Variants in TSPAN18 observed in about 807,000 individuals in gnomAD.
TSPAN18 encodes tetraspanin-18.
TSPAN18 carries 14 observed loss-of-function variants against 27.3 expected under a neutral mutation model. The ratio of observed to expected loss-of-function variants is 0.51; its 90% CI spans 0.34 to 0.80. The LOEUF (loss-of-function observed/expected upper bound fraction) is 0.80, where lower values mean the gene tolerates loss of function less well. TSPAN18 is among the 30% of genes least tolerant of loss of function. TSPAN18 has a pLI of 0.01. For missense variants in TSPAN18, 268 were observed against 323.9 expected, an observed-to-expected ratio of 0.83 and a Z score of 1.32; for synonymous variants, 143 against 136.5, an observed-to-expected ratio of 1.05 and a Z score of -0.33.
At chr11:44,920,293 G>A (rs762954271) in intron 8 of TSPAN18, among the ~76,000 whole-genome samples, 5 of 152,130 alleles carry the variant, frequency 3.3e-5, no homozygotes, top group African/African-American at 7.2e-5. Flanking sequence ...TGTTTCCTGA[G>A]TTTCTGATAA....
chr11:44,885,001 G>C (rs1462185920), intron 3 of TSPAN18, among the ~76,000 whole-genome samples: 1 of 152,176 alleles, frequency 6.6e-6, no homozygotes, highest in African/African-American at 2.4e-5. Flanking sequence ...TAACTAAAGT[G>C]GGGTTGTCCC....
chr11:44,878,749 A>T (rs576884070), intron 3 of TSPAN18, among the ~76,000 whole-genome samples: 2 of 152,358 alleles, frequency 1.3e-5, no homozygotes, highest in African/African-American at 4.8e-5. Context: ...TAATTGCATG[A>T]ATATGTGAAA....
At chr11:44,842,057 G>A (rs531483366) in intron 2 of TSPAN18, among the ~76,000 whole-genome samples, 29 of 152,320 alleles carry the variant, frequency 1.9e-4, no homozygotes, top group African/African-American at 6.7e-4. Context: ...CAGGTTGTTA[G>A]CGTCACATAA....
At chr11:44,924,107 G>A (rs1860255156) in intron 8 of TSPAN18, among the ~76,000 whole-genome samples, 1 of 151,594 alleles carries the variant, frequency 6.6e-6, no homozygotes, top group Non-Finnish European at 1.5e-5. Context: ...TTGTGTGTGT[G>A]TGTGTGTGTG....
intron 2 of TSPAN18, among the ~76,000 whole-genome samples, chr11:44,852,623 C>T (rs1214869665): frequency 6.6e-6 from 1 of 152,244 alleles, no homozygotes; most frequent in Non-Finnish European, 1.5e-5. Context: ...CCTTGGCTCT[C>T]TCTCCAGTGT....
intron 3 of TSPAN18, among the ~76,000 whole-genome samples, chr11:44,896,258 A>G (rs1249068114): frequency 6.6e-6 from 1 of 152,156 alleles, no homozygotes; most frequent in Non-Finnish European, 1.5e-5. Context: ...AGGAAGAGAA[A>G]GCACTTTCTG....
intron 1 of TSPAN18, among the ~76,000 whole-genome samples, chr11:44,742,146 A>T (rs75482828): frequency 0.022 from 3,359 of 152,232 alleles, 61 homozygotes; most frequent in Middle Eastern, 0.055. Flanking sequence ...TGTCTGAAGC[A>T]TAGCAAGACC....
intron 1 of TSPAN18, among the ~76,000 whole-genome samples, chr11:44,743,588 C>A (rs1426760342): frequency 6.6e-6 from 1 of 152,186 alleles, no homozygotes; most frequent in Non-Finnish European, 1.5e-5. Flanking sequence ...AAGTTTGAGG[C>A]CTCGTGGGAA....
intron 3 of TSPAN18, among the ~76,000 whole-genome samples, chr11:44,874,472 A>G (rs1443155336): frequency 6.6e-6 from 1 of 152,178 alleles, no homozygotes; most frequent in Non-Finnish European, 1.5e-5. Flanking sequence ...TACTATAGCA[A>G]TCCCATTTTA....
chr11:44,843,041 C>A (rs1305432325), intron 2 of TSPAN18, among the ~76,000 whole-genome samples: 1 of 152,138 alleles, frequency 6.6e-6, no homozygotes, highest in Non-Finnish European at 1.5e-5. Context: ...ATTCCTCTGA[C>A]TCTGCCTTCT....
intron 2 of TSPAN18, among the ~76,000 whole-genome samples, chr11:44,779,100 G>A (rs1855878911): frequency 6.6e-6 from 1 of 152,080 alleles, no homozygotes; most frequent in African/African-American, 2.4e-5. Flanking sequence ...ATCTGTCCTG[G>A]GAGCCTGCCC....
At chr11:44,900,045 C>T (rs534601766) in intron 3 of TSPAN18, among the ~76,000 whole-genome samples, 54 of 152,352 alleles carry the variant, frequency 3.5e-4, no homozygotes, top group African/African-American at 1.3e-3. Flanking sequence ...GTTTCCCTCC[C>T]TTTAGAAGTA....
At chr11:44,790,277 A>T (rs751969600) in intron 2 of TSPAN18, among the ~76,000 whole-genome samples, 1 of 147,876 alleles carries the variant, frequency 6.8e-6, no homozygotes, top group Non-Finnish European at 1.5e-5. Flanking sequence ...GTATGTGTGC[A>T]TGTGTTCGTG....
At chr11:44,813,308 C>T (rs1178320419) in intron 2 of TSPAN18, among the ~76,000 whole-genome samples, 2 of 152,198 alleles carry the variant, frequency 1.3e-5, no homozygotes, top group African/African-American at 4.8e-5. Flanking sequence ...GGGCCAAATC[C>T]TGGCTTAGTT....
rs182467060 is a variant in TSPAN18 at position 44,890,119 on chromosome 11, G to T, written c.-10-16288G>T. On this transcript the variant is annotated intron_variant, in intron 3 of 9. Coordinates refer to ENST00000520358, the MANE Select transcript of TSPAN18 (RefSeq NM_130783.5). ...TTTTGTCCCTCTGCTGAGAGCTGGGGCTAAGGAGAAGGATGATCTGGGGGA... is the reference window on the plus strand; with the variant it reads ...TTTTGTCCCTCTGCTGAGAGCTGGGTCTAAGGAGAAGGATGATCTGGGGGA... 3.3e-5 allele frequency among the ~76,000 whole-genome samples: 5 copies of T among 152,338 alleles called. No homozygotes were observed. In the East Asian group the frequency reaches 9.7e-4, roughly 29 times the overall value.
intron 3 of TSPAN18, among the ~76,000 whole-genome samples, chr11:44,876,441 C>T (rs1858335305): frequency 6.6e-6 from 1 of 152,208 alleles, no homozygotes. Context: ...GTTTTCTTAT[C>T]TCCAAAGTAA....
intron 2 of TSPAN18, among the ~76,000 whole-genome samples, chr11:44,790,809 T>C (rs958649551): frequency 2.6e-5 from 4 of 152,170 alleles, no homozygotes; most frequent in Admixed American, 2.0e-4. Context: ...TGCTAGTAGC[T>C]AATTCACAGA....
chr11:44,768,364 G>T (rs947865677), intron 2 of TSPAN18, among the ~76,000 whole-genome samples: 1 of 152,136 alleles, frequency 6.6e-6, no homozygotes, highest in African/African-American at 2.4e-5. Flanking sequence ...GGTGTTAATA[G>T]AAATGGTTTT....
At chr11:44,839,554 C>T (rs1470311934) in intron 2 of TSPAN18, among the ~76,000 whole-genome samples, 1 of 152,132 alleles carries the variant, frequency 6.6e-6, no homozygotes, top group East Asian at 1.9e-4. Context: ...GCCATTCTTT[C>T]CCTCTTATCT....
Sources: gnomAD v4.1 joint callset for allele counts (sites outside exome capture counted in the v4.1 genomes callset) on GRCh38, gnomAD v4.1.1 for gene constraint, MANE v1.5 for transcripts, NCBI Gene and HGNC (gene_info 2026-07-23, HGNC 2026-07-21) for gene names.